NOS1AP: variants seen among roughly 807,000 people sequenced by gnomAD.
The protein encoded by NOS1AP is nitric oxide synthase 1 adaptor protein.
A neutral mutation model predicts 56.2 loss-of-function variants in NOS1AP; 21 were observed. The observed-to-expected ratio is 0.37, with a 90% CI of 0.26 to 0.54. The LOEUF is 0.54. Ranked by LOEUF, NOS1AP falls within the 20% of genes least tolerant of loss-of-function variation. NOS1AP has a pLI of 0.84. For synonymous variants in NOS1AP, 270 were observed against 274.6 expected (o/e 0.98, Z 0.17); for missense variants, 522 against 657.8 (o/e 0.79, Z 2.26).
At chr1:162,249,363 C>T (rs1653776605) in intron 2 of NOS1AP, among the ~76,000 whole-genome samples, 1 of 152,264 alleles carries the variant, frequency 6.6e-6, no homozygotes, top group Non-Finnish European at 1.5e-5. Context: ...AGCAATGTCT[C>T]ATGTGAACAC....
chr1:162,135,859 AT>A (rs1174457998), intron 1 of NOS1AP, among the ~76,000 whole-genome samples: 5 of 152,154 alleles, frequency 3.3e-5, no homozygotes, highest in African/African-American at 1.2e-4. Flanking sequence ...GAATATTGTA[AT>A]TGATTATTTT....
At chr1:162,325,889 C>T (rs569303094) in intron 4 of NOS1AP, among the ~76,000 whole-genome samples, 2 of 146,486 alleles carry the variant, frequency 1.4e-5, no homozygotes, top group East Asian at 4.1e-4. Context: ...ATACCACACA[C>T]TGGAGACTCC....
rs558037609 is a variant in NOS1AP, at chr1:162,336,700, G to A, written c.453+3575G>A. 9.2e-5 allele frequency among the ~76,000 whole-genome samples: 14 copies of A among 152,280 alleles called. 1 individual carries two copies. The South Asian group carries it at 1.2e-3, about 14-fold the overall frequency. On this transcript the variant is annotated intron_variant, in intron 5 of 9. Transcript: ENST00000361897. ...TCCTTCTCAGGCCAGGACTTTGAAC[G>A]CTAAACCCTATTACACAAAACTCAT... is the stretch of plus-strand genomic sequence containing the variant.
At chr1:162,147,016 C>T (rs1168077885) in intron 1 of NOS1AP, among the ~76,000 whole-genome samples, 1 of 152,118 alleles carries the variant, frequency 6.6e-6, no homozygotes, top group Non-Finnish European at 1.5e-5. Flanking sequence ...GCAGAATAAT[C>T]TGATGCATTT....
chr1:162,261,847 C>T (rs1022737081), intron 2 of NOS1AP, among the ~76,000 whole-genome samples: 5 of 152,076 alleles, frequency 3.3e-5, no homozygotes, highest in East Asian at 1.9e-4. Flanking sequence ...GGGAAAAGAT[C>T]GGTAAACAGA....
intron 2 of NOS1AP, among the ~76,000 whole-genome samples, chr1:162,165,068 T>A (rs964377391): frequency 6.6e-6 from 1 of 152,202 alleles, no homozygotes; most frequent in Non-Finnish European, 1.5e-5. Context: ...ACACCTGTAA[T>A]CCCAGCACTT....
intron 2 of NOS1AP, among the ~76,000 whole-genome samples, chr1:162,285,752 C>G (rs1385783733): frequency 6.6e-6 from 1 of 152,124 alleles, no homozygotes; most frequent in African/African-American, 2.4e-5. Flanking sequence ...GTTTGCTGCT[C>G]TGGTTTGCTC....
intron 2 of NOS1AP, among the ~76,000 whole-genome samples, chr1:162,262,330 A>T (rs1654266674): frequency 1.3e-5 from 2 of 152,204 alleles, no homozygotes; most frequent in Admixed American, 1.3e-4. Flanking sequence ...CAGAACCCTC[A>T]TTCTTTCATT....
chr1:162,098,071 T>C (rs899417345), intron 1 of NOS1AP, among the ~76,000 whole-genome samples: 23 of 151,302 alleles, frequency 1.5e-4, no homozygotes, highest in African/African-American at 5.6e-4. Flanking sequence ...TTTAATAAGC[T>C]TTTATTTATA....
chr1:162,339,761 C>A (rs1657049607), intron 5 of NOS1AP, among the ~76,000 whole-genome samples: 1 of 152,166 alleles, frequency 6.6e-6, no homozygotes, highest in African/African-American at 2.4e-5. Flanking sequence ...GCCCTGCAGG[C>A]CAGAAGGTGG....
At chr1:162,112,652 CA>C (rs1647754157) in intron 1 of NOS1AP, among the ~76,000 whole-genome samples, 1 of 152,214 alleles carries the variant, frequency 6.6e-6, no homozygotes, top group African/African-American at 2.4e-5. Flanking sequence ...CATGGATGCA[CA>C]TTTAAAAGAC....
At chr1:162,137,412 T>C (rs1420610595) in intron 1 of NOS1AP, among the ~76,000 whole-genome samples, 1 of 151,046 alleles carries the variant, frequency 6.6e-6, no homozygotes, top group Non-Finnish European at 1.5e-5. Flanking sequence ...TGGAAGGTTT[T>C]CCATCTATTG....
At chr1:162,236,942 G>C (rs1231687622) in intron 2 of NOS1AP, among the ~76,000 whole-genome samples, 1 of 152,206 alleles carries the variant, frequency 6.6e-6, no homozygotes, top group Admixed American at 6.5e-5. Flanking sequence ...CATCTTGATG[G>C]TAGCATATTA....
In NOS1AP at chr1:162,367,318, C is replaced by A. The variant is rs758286609; in HGVS notation, c.1372C>A (p.Arg458=). The part of the protein sequence containing the change: ...LLGGLELIKF[R]ESGIASEYES... Reference sequence around the variant, plus strand: ...GGGCGGTCTGGAGCTCATCAAGTTCCGAGAGTCAGGCATCGCCTCGGAGTA... The same window carrying A: ...GGGCGGTCTGGAGCTCATCAAGTTCAGAGAGTCAGGCATCGCCTCGGAGTA... Residue 458 remains arginine (R), a synonymous_variant, in exon 10 of 10, where the codon CGA becomes AGA. Coordinates refer to ENST00000361897, the MANE Select transcript of NOS1AP (RefSeq NM_014697.3). The surrounding 1 kb of genome is among the most constrained non-coding windows in gnomAD (Gnocchi z 6.5). 3.7e-6 allele frequency: 6 copies of A among 1,613,282 alleles called. No individual in the cohort carries two copies. The highest frequency in any genetic ancestry group is 5.1e-6 in the Non-Finnish European group (6 of 1,179,924).
At chr1:162,279,209 A>C (rs1001518958) in intron 2 of NOS1AP, among the ~76,000 whole-genome samples, 1 of 152,098 alleles carries the variant, frequency 6.6e-6, no homozygotes, top group Non-Finnish European at 1.5e-5. Context: ...CAGGCCCCTT[A>C]ATCATTTAGG....
intron 2 of NOS1AP, among the ~76,000 whole-genome samples, chr1:162,254,795 C>T (rs1653974434): frequency 6.6e-6 from 1 of 152,136 alleles, no homozygotes; most frequent in Non-Finnish European, 1.5e-5. Flanking sequence ...TGCATTTTAC[C>T]AGTACAATCT....
chr1:162,170,808 G>A (rs1183940469), intron 2 of NOS1AP, among the ~76,000 whole-genome samples: 1 of 152,090 alleles, frequency 6.6e-6, no homozygotes, highest in East Asian at 1.9e-4. Flanking sequence ...GGATATGGTG[G>A]TGTGCACCTG....
At chr1:162,143,066 C>T (rs564718129) in intron 1 of NOS1AP, among the ~76,000 whole-genome samples, 22 of 151,944 alleles carry the variant, frequency 1.4e-4, no homozygotes, top group Admixed American at 1.2e-3. Context: ...CTTGCTCAGT[C>T]GGAGGCAAAT....
At chr1:162,320,793 G>A (rs1427415537) in intron 4 of NOS1AP, among the ~76,000 whole-genome samples, 2 of 152,140 alleles carry the variant, frequency 1.3e-5, no homozygotes, top group African/African-American at 4.8e-5. Context: ...GGTGGAGGTT[G>A]TAGTGAGCCG....
Sources: allele counts gnomAD v4.1 joint callset (sites outside exome capture counted in the v4.1 genomes callset), GRCh38; gene constraint gnomAD v4.1.1; non-coding constraint Gnocchi (gnomAD v3.1); transcripts MANE v1.5; gene names NCBI Gene and HGNC (gene_info 2026-07-23, HGNC 2026-07-21).